The following ZNF469 variants were observed in gnomAD, a reference collection of about 807,000 sequenced individuals.
The protein encoded by ZNF469 is zinc finger protein 469.
Under a neutral mutation model 1.0 loss-of-function variants are expected in ZNF469, and 1 was observed. The observed-to-expected ratio is 1.00, with a 90% CI of 0.35 to 4.73. ZNF469 has a LOEUF of 4.73. ZNF469 is among the 30% of genes most tolerant of loss of function. The pLI, the probability that ZNF469 is intolerant of heterozygous loss-of-function variation, is 0.16. For synonymous variants in ZNF469, 2,703 were observed against 2,363.4 expected, an observed-to-expected ratio of 1.14 and a Z score of -4.17; for missense variants, 6,100 against 5,356.3, an observed-to-expected ratio of 1.14 and a Z score of -4.33.
the ZNF469 span, among the ~76,000 whole-genome samples, chr16:88,152,484 T>G: frequency 6.6e-6 from 1 of 152,142 alleles, no homozygotes; most frequent in Admixed American, 6.5e-5. This position sits in a 1 kb window ranked among gnomAD's most constrained non-coding sequence, Gnocchi z 4.2. Flanking sequence ...CCCAGATCCG[T>G]GCTGCTGATG....
Position 88,436,251 on chromosome 16 carries a change from G to A in ZNF469, c.8781G>A (p.Glu2927=), listed in dbSNP as rs1229529978. The part of the protein sequence containing the change: ...SLCLCHEDPW[E]DEDPAGLPES... Reference sequence around the variant, plus strand: ...GCCTCTGCCATGAGGACCCGTGGGAGGACGAGGATCCCGCAGGTCTGCCCG... The same window carrying A: ...GCCTCTGCCATGAGGACCCGTGGGAAGACGAGGATCCCGCAGGTCTGCCCG... Residue 2927 remains glutamate (E), a synonymous_variant, in exon 3 of 3, where the codon GAG becomes GAA. Transcript: ENST00000565624. 6.5e-7 allele frequency: 1 copy of A among 1,549,684 alleles called. No homozygotes were observed. The highest frequency in any genetic ancestry group is 8.7e-7 in the Non-Finnish European group (1 of 1,146,888).
rs1291713710 is a variant in ZNF469 at position 88,435,523 on chromosome 16, C to T, written c.8053C>T (p.Pro2685Ser). 3.9e-6 allele frequency: 6 copies of T among 1,549,396 alleles called. No individual in the cohort carries two copies. The highest frequency in any genetic ancestry group is 5.2e-6 in the Non-Finnish European group (6 of 1,146,982). The change falls in exon 3 of 3, where the codon CCT becomes TCT. Residue 2685 changes from proline to serine, a missense_variant. Pro to Ser is a moderately conservative substitution (Grantham distance 74). Transcript: ENST00000565624. ...CCACTGCCTCTCTGTGGAAGGAGGGCCTGAGGCTGACGGGGAGCAGCCGCC... is the reference window on the plus strand; with the variant it reads ...CCACTGCCTCTCTGTGGAAGGAGGGTCTGAGGCTGACGGGGAGCAGCCGCC... ...PSHCLSVEGG[P>S]EADGEQPPRL...
the ZNF469 span, among the ~76,000 whole-genome samples, chr16:88,212,393 T>C: frequency 6.6e-6 from 1 of 152,184 alleles, no homozygotes; most frequent in Admixed American, 6.5e-5. Context: ...TCTTTGACAC[T>C]CTTTCTTTTT....
the ZNF469 span, among the ~76,000 whole-genome samples, chr16:88,144,306 T>C: frequency 6.6e-6 from 1 of 152,188 alleles, no homozygotes; most frequent in Non-Finnish European, 1.5e-5. Context: ...TCGGGAACCA[T>C]GCACAGTGTT....
the ZNF469 span, among the ~76,000 whole-genome samples, chr16:88,241,845 A>G: frequency 1.3e-5 from 2 of 152,168 alleles, no homozygotes; most frequent in Non-Finnish European, 2.9e-5. The surrounding 1 kb of genome is among the most constrained non-coding windows in gnomAD (Gnocchi z 4.8). Context: ...TGCTCCAGCA[A>G]GTTCAGGGCC....
chr16:88,298,745 G>A, the ZNF469 span, among the ~76,000 whole-genome samples: 1 of 152,062 alleles, frequency 6.6e-6, no homozygotes, highest in Non-Finnish European at 1.5e-5. Flanking sequence ...GATCCCACGG[G>A]CACCTCCCGA....
the ZNF469 span, among the ~76,000 whole-genome samples, chr16:88,251,675 C>T: frequency 1.3e-5 from 2 of 149,142 alleles, no homozygotes; most frequent in Admixed American, 6.8e-5. Flanking sequence ...TCTCCTGTCT[C>T]AGCCTTCTGA....
chr16:88,380,950 G>A (rs1287798934), upstream of ZNF469, among the ~76,000 whole-genome samples: 4 of 88,872 alleles, frequency 4.5e-5, no homozygotes, highest in East Asian at 8.2e-4. Context: ...ACACAGACAC[G>A]CCCTCACACA....
At chr16:88,353,442 C>G in the ZNF469 span, among the ~76,000 whole-genome samples, 1 of 152,160 alleles carries the variant, frequency 6.6e-6, no homozygotes, top group Admixed American at 6.5e-5. Context: ...CCCAGCTTCC[C>G]CAGCCCCACA....
At chr16:88,114,066 A>C in the ZNF469 span, among the ~76,000 whole-genome samples, 1 of 138,888 alleles carries the variant, frequency 7.2e-6, no homozygotes, top group African/African-American at 2.7e-5. Flanking sequence ...CCTGTCCCCC[A>C]CCCCCAGCTT....
chr16:88,166,088 G>C, the ZNF469 span, among the ~76,000 whole-genome samples: 2 of 152,270 alleles, frequency 1.3e-5, no homozygotes, highest in Non-Finnish European at 2.9e-5. The surrounding 1 kb of genome is among the most constrained non-coding windows in gnomAD (Gnocchi z 4.5). Context: ...CGGTCACTGC[G>C]TGTAGAGTGA....
chr16:88,353,116 C>T, the ZNF469 span, among the ~76,000 whole-genome samples: 1 of 152,138 alleles, frequency 6.6e-6, no homozygotes, highest in African/African-American at 2.4e-5. Context: ...GGCTGACATC[C>T]CAGGGTGGGA....
chr16:88,224,958 G>T, the ZNF469 span, among the ~76,000 whole-genome samples: 4 of 152,220 alleles, frequency 2.6e-5, no homozygotes, highest in Non-Finnish European at 5.9e-5. Flanking sequence ...CAGCCCCATG[G>T]TGGGATGGTG....
chr16:88,190,537 A>C, the ZNF469 span, among the ~76,000 whole-genome samples: 12 of 152,334 alleles, frequency 7.9e-5, no homozygotes, highest in Admixed American at 3.9e-4. Context: ...TCCAGGGATC[A>C]CACACAGCCA....
the ZNF469 span, among the ~76,000 whole-genome samples, chr16:88,118,864 G>A: frequency 6.6e-6 from 1 of 152,238 alleles, no homozygotes; most frequent in Non-Finnish European, 1.5e-5. Flanking sequence ...GCTGAGATGA[G>A]TTTACAAATA....
At position 88,383,365 on chromosome 16, in the gene ZNF469, C is replaced by A. The variant is rs1466227230; in HGVS notation, c.-192+111C>A. The stretch of plus-strand genomic sequence containing the variant: ...GGGGGTCTCCGGCCCGGCTCCCGCT[C>A]CTGCGCCCTCGGGGGCCGCTCCCCG... On this transcript the variant is annotated intron_variant, in intron 1 of 2. Transcript: ENST00000565624. Among the ~76,000 whole-genome samples, 7 of 147,736 alleles carry A rather than the reference C, an allele frequency of 4.7e-5. No homozygotes were observed. In the South Asian group the frequency reaches 1.2e-3, roughly 26 times the overall value.
the ZNF469 span, among the ~76,000 whole-genome samples, chr16:88,361,131 A>C: frequency 6.6e-6 from 1 of 152,194 alleles, no homozygotes; most frequent in Non-Finnish European, 1.5e-5. Context: ...AGATTCTCAT[A>C]AGGAGCACAC....
the ZNF469 span, chr16:88,194,957 G>A: frequency 9.8e-5 from 15 of 152,336 alleles, no homozygotes; most frequent in Admixed American, 6.5e-4. Flanking sequence ...GCCCTCATGC[G>A]TGTTGCTGGG....
the ZNF469 span, among the ~76,000 whole-genome samples, chr16:88,173,218 C>A: frequency 6.6e-6 from 1 of 151,720 alleles, no homozygotes; most frequent in Non-Finnish European, 1.5e-5. Flanking sequence ...TAGAAGCAGC[C>A]AGATAAGAAA....
Sources: allele counts gnomAD v4.1 joint callset (sites outside exome capture counted in the v4.1 genomes callset), GRCh38; gene constraint gnomAD v4.1.1; non-coding constraint Gnocchi (gnomAD v3.1); transcripts MANE v1.5; gene names NCBI Gene and HGNC (gene_info 2026-07-23, HGNC 2026-07-21).